Variants in PLA2G4D observed in about 807,000 individuals in gnomAD.
PLA2G4D encodes the protein cytosolic phospholipase A2 delta.
PLA2G4D carries 80 observed loss-of-function variants against 94.4 expected under a neutral mutation model. The observed-to-expected ratio is 0.85, with a 90% confidence interval of 0.71 to 1.02. The LOEUF (loss-of-function observed/expected upper bound fraction) is 1.02. Among genes scored for constraint, PLA2G4D ranks in the 50% least tolerant of loss-of-function variants. PLA2G4D has a pLI of 0.00. For missense variants in PLA2G4D, 1,050 were observed against 1,034.7 expected, an observed-to-expected ratio of 1.01 and a Z score of -0.20; for synonymous variants, 438 against 440.9, an observed-to-expected ratio of 0.99 and a Z score of 0.08.
chr15:42,081,925 TTC>T, intron 9 of PLA2G4D, 91 bp from the exon 10 acceptor site: 89 of 1,201,962 alleles, frequency 7.4e-5, no homozygotes, highest in Admixed American at 2.2e-4. Context: ...TTCATCTTCA[TTC>T]TTTTTTTTTT....
Position 42,087,657 on chromosome 15 carries a change from T to C in PLA2G4D, c.89A>G (p.Glu30Gly). The C allele has an allele frequency of 6.2e-7, 1 of 1,614,142 alleles. No homozygotes were observed. The highest frequency in any genetic ancestry group is 1.1e-5 in the South Asian group (1 of 91,086). The part of the protein sequence containing the change: ...TCWQLTVRVL[E>G]ARNLRWADLL... The stretch of plus-strand genomic sequence containing the variant: ...GTCAGCCCAGCGCAGGTTCCGCGCC[T>C]CCAGGACCCTCACTGTGAGCTGCCA... Residue 30 changes from glutamate to glycine, a missense_variant, in exon 2 of 20, where the codon GAG becomes GGG. Physicochemically the swap from Glu to Gly is moderately conservative, Grantham distance 98. Coordinates refer to ENST00000290472, the MANE Select transcript of PLA2G4D (RefSeq NM_178034.4).
At chr15:42,085,252 CA>C in intron 5 of PLA2G4D, 114 bp from the exon 6 acceptor site, 1 of 1,291,194 alleles carries the variant, frequency 7.7e-7, no homozygotes, top group Non-Finnish European at 1.1e-6. Context: ...GGATTCGGTT[CA>C]GGGACAAGGG....
At position 42,070,046 on chromosome 15, in the gene PLA2G4D, G is replaced by C; in HGVS notation, c.2093C>G (p.Pro698Arg). ...GTCCTGAGGGCTGGGTTCCACCCGG[G>C]GGAAGGGCAGCCCCCGGGCCCGGCA... ...LYCRARGLPF[P>R]RVEPSPQDQH... Residue 698 changes from proline (P) to arginine (R), a missense_variant, in exon 19 of 20, where the codon CCC becomes CGC. Physicochemically the swap from Pro to Arg is moderately radical, Grantham distance 103 (BLOSUM62 -2). Transcript: ENST00000290472. 6.6e-7 allele frequency: 1 copy of C among 1,520,872 alleles called. No individual in the cohort carries two copies. The highest frequency in any genetic ancestry group is 8.8e-7 in the Non-Finnish European group (1 of 1,134,470). The allele number at this position is 1,520,872 out of a possible 1,614,324, so 94.2% of individuals were successfully genotyped here.
At chr15:42,092,339 C>G (rs1226427997) in intron 1 of PLA2G4D, among the ~76,000 whole-genome samples, 1 of 152,176 alleles carries the variant, frequency 6.6e-6, no homozygotes, top group Admixed American at 6.5e-5. Context: ...TCTACCTTCC[C>G]AGGACTTTTG....
rs1422041183 is a variant in PLA2G4D at position 42,087,261 on chromosome 15, C to G, written c.255+39G>C. The G allele has an allele frequency of 1.9e-6, 3 of 1,613,192 alleles. No individual in the cohort carries two copies. In the South Asian group the frequency reaches 3.3e-5, roughly 18 times the overall value. On this transcript the variant is annotated intron_variant, in intron 3 of 19. Coordinates refer to ENST00000290472, the MANE Select transcript of PLA2G4D (RefSeq NM_178034.4). Reference sequence around the variant, plus strand: ...AGGAACCCTTGCATGGGGGTCCAGCCCGTTCACAAGGGAGTGGCCAGGAGT... The same window carrying G: ...AGGAACCCTTGCATGGGGGTCCAGCGCGTTCACAAGGGAGTGGCCAGGAGT...
At chr15:42,091,279 A>G (rs1401100140) in intron 1 of PLA2G4D, among the ~76,000 whole-genome samples, 2 of 152,256 alleles carry the variant, frequency 1.3e-5, no homozygotes, top group African/African-American at 4.8e-5. Flanking sequence ...TATGAATATC[A>G]TTAATCATTA....
chr15:42,085,841 C>A (rs1247928971), intron 4 of PLA2G4D, among the ~76,000 whole-genome samples: 1 of 152,208 alleles, frequency 6.6e-6, no homozygotes, highest in East Asian at 1.9e-4. Flanking sequence ...GGACCCATAT[C>A]TTTTTCTTGA....
At chr15:42,071,581 G>A (rs548689072) in intron 15 of PLA2G4D, 30 bp from the exon 16 acceptor site, 1 of 1,588,680 alleles carries the variant, frequency 6.3e-7, no homozygotes, top group South Asian at 1.1e-5. Context: ...ATCAGCCTCA[G>A]GCCCCAGCCA....
intron 13 of PLA2G4D, 43 bp downstream of exon 13, chr15:42,079,494 G>C: frequency 2.6e-6 from 4 of 1,537,912 alleles, no homozygotes; most frequent in Non-Finnish European, 3.5e-6. Context: ...CTTCGCCCCC[G>C]CGGTGCACAC....
In PLA2G4D at chr15:42,084,986, C is replaced by T. The variant is rs1038307560; in HGVS notation, c.471+110G>A. On this transcript the variant is annotated intron_variant, in intron 6 of 19. Coordinates refer to ENST00000290472, the MANE Select transcript of PLA2G4D (RefSeq NM_178034.4). This position sits in a 1 kb window ranked among gnomAD's most constrained non-coding sequence, Gnocchi z 4.8. The stretch of plus-strand genomic sequence containing the variant: ...TGGAAGGCTAGGGGTGGTTTTACCA[C>T]GAAGCCCTGCCCCTTCCTTGTCCCT... 1.8e-5 allele frequency: 24 copies of T among 1,305,028 alleles called. No homozygotes were observed. In the South Asian group the frequency reaches 2.5e-4, roughly 13 times the overall value. The allele number at this position is 1,305,028 out of a possible 1,614,324, so 80.8% of individuals were successfully genotyped here. A position where few individuals can be genotyped will look rare whatever the true frequency, so the allele number is the denominator to read the frequency against.
rs554401686 is a variant in PLA2G4D, at chr15:42,082,807, A to C, written c.672+391T>G. Among the ~76,000 whole-genome samples the C allele has an allele frequency of 1.1e-4, 16 of 152,270 alleles. No homozygotes were observed. In the East Asian group the frequency reaches 3.1e-3, roughly 29 times the overall value. ...GCCTTGGAGGAAGCCAGCTGGGGAC[A>C]GGAGAGCACTTGGCATATTGGAAAT... On this transcript the variant is annotated intron_variant, in intron 8 of 19. Coordinates refer to ENST00000290472, the MANE Select transcript of PLA2G4D (RefSeq NM_178034.4).
chr15:42,083,599 GAAGA>G, intron 7 of PLA2G4D, 113 bp downstream of exon 7: 6 of 1,305,798 alleles, frequency 4.6e-6, no homozygotes, highest in Non-Finnish European at 6.5e-6. Flanking sequence ...ATGTGGGTGA[GAAGA>G]GAGAGGCAAG....
At chr15:42,076,241 T>G (rs1489787742) in intron 13 of PLA2G4D, among the ~76,000 whole-genome samples, 4 of 152,152 alleles carry the variant, frequency 2.6e-5, no homozygotes, top group Admixed American at 6.5e-5. Context: ...CTGGGAAAAT[T>G]TGTTATTAAT....
Position 42,086,194 on chromosome 15 carries a change from T to TTGGGGGGGGGGGGGCCCG in PLA2G4D, c.387+18_387+19insCGGGCCCCCCCCCCCCCA. ...GGAAGAAGTGGGGCCCACGGGGACTTCCCCACCCACCCACCCACCTGGGGA... is the reference window on the plus strand; with the variant it reads ...GGAAGAAGTGGGGCCCACGGGGACTTTGGGGGGGGGGGGGCCCGCCCCACCCACCCACCCACCTGGGGA... On this transcript the variant is annotated intron_variant, in intron 4 of 19. Transcript: ENST00000290472. 1 of 1,370,444 alleles carries TTGGGGGGGGGGGGGCCCG rather than the reference T, an allele frequency of 7.3e-7. No homozygotes were observed. Among genetic ancestry groups the TTGGGGGGGGGGGGGCCCG allele is most frequent in the South Asian group, 1.5e-5 (1 of 66,866 alleles). 84.9% of individuals were successfully genotyped at this position (1,370,444 alleles called of 1,614,324 possible).
intron 15 of PLA2G4D, 74 bp from the exon 16 acceptor site, chr15:42,071,625 G>T: frequency 6.6e-7 from 1 of 1,508,706 alleles, no homozygotes; most frequent in South Asian, 1.2e-5. Context: ...TGGAAAATGG[G>T]AGTGGGGCGA....
rs371423362 is a variant in PLA2G4D at position 42,081,000 on chromosome 15, G to A, written c.1091C>T (p.Thr364Met). The change falls in exon 12 of 20, where the codon ACG (threonine) becomes ATG (methionine). Residue 364 changes from threonine (T) to methionine (M), a missense_variant. Thr to Met is a moderately conservative substitution (Grantham distance 81). Coordinates refer to ENST00000290472, the MANE Select transcript of PLA2G4D (RefSeq NM_178034.4). ...CCCAGTCCCCCAGGATCCTCACCAC[G>A]TAGAGCCAGAGATGCCACTGAAGTA... ...VTYFSGISGSTWTMAHLYGDP... is the reference protein window; with the variant it reads ...VTYFSGISGSMWTMAHLYGDP... 1.9e-5 allele frequency: 30 copies of A among 1,613,584 alleles called. No individual in the cohort carries two copies. Among genetic ancestry groups the A allele is most frequent in the Admixed American group, 5.0e-5 (3 of 59,956 alleles).
At chr15:42,070,941 C>T (rs371956052) in intron 17 of PLA2G4D, 58 bp from the exon 18 acceptor site, 9 of 1,569,744 alleles carry the variant, frequency 5.7e-6, no homozygotes, top group Non-Finnish European at 6.9e-6. Context: ...CATCCATGTC[C>T]CCTTCTCTCC....
rs748629230 is a variant in PLA2G4D, at chr15:42,081,590, C to A, written c.846G>T (p.Leu282=). The A allele has an allele frequency of 2.5e-6, 4 of 1,614,170 alleles. No homozygotes were observed. In the Admixed American group the frequency reaches 6.7e-5, roughly 27 times the overall value. ...EGCPEELAVH[L]GFNLCAEEQA... ...GCTCCTCTGCACAGAGATTGAAGCC[C>A]AGGTGCACGGCCAGCTCCTCAGGGC... The change falls in exon 11 of 20, where the codon CTG becomes CTT. Residue 282 remains leucine, a synonymous_variant. Coordinates refer to ENST00000290472, the MANE Select transcript of PLA2G4D (RefSeq NM_178034.4).
chr15:42,080,641 C>A (rs980787548), intron 12 of PLA2G4D, among the ~76,000 whole-genome samples: 2 of 152,176 alleles, frequency 1.3e-5, no homozygotes, highest in African/African-American at 4.8e-5. Flanking sequence ...CAGTCCCACG[C>A]GGTGTGTGCT....
Sources: allele counts gnomAD v4.1 joint callset (sites outside exome capture counted in the v4.1 genomes callset), GRCh38; gene constraint gnomAD v4.1.1; non-coding constraint Gnocchi (gnomAD v3.1); transcripts MANE v1.5; gene names NCBI Gene and HGNC (gene_info 2026-07-23, HGNC 2026-07-21).